Variants in TBC1D32 observed in about 807,000 individuals in gnomAD.
TBC1D32 encodes the protein TBC1 domain family member 32.
In TBC1D32, 151 loss-of-function variants were observed where a neutral mutation model predicts 170.3. The observed-to-expected ratio is 0.89, with a 90% CI of 0.78 to 1.01. TBC1D32 has a LOEUF of 1.01. Ranked by LOEUF, TBC1D32 falls within the 50% of genes least tolerant of loss-of-function variation. The pLI is 0.00. For missense variants in TBC1D32, 1,464 were observed against 1,457.1 expected (o/e 1.00, Z -0.08); for synonymous variants, 498 against 488.0 (o/e 1.02, Z -0.27).
chr6:121,282,000 T>G (rs1161696482), intron 13 of TBC1D32, among the ~76,000 whole-genome samples: 7 of 151,718 alleles, frequency 4.6e-5, no homozygotes, highest in Admixed American at 2.0e-4. Context: ...ATGTACAGCT[T>G]TTTTCCTCCT....
At chr6:121,108,496 C>A (rs1778906633) in intron 29 of TBC1D32, among the ~76,000 whole-genome samples, 1 of 151,826 alleles carries the variant, frequency 6.6e-6, no homozygotes, top group African/African-American at 2.4e-5. Flanking sequence ...AATTAATAGT[C>A]TAATATATAA....
chr6:121,256,262 G>T lies in TBC1D32; in HGVS notation c.1757C>A (p.Ala586Asp), dbSNP rs765342712. 1 of 1,613,026 alleles carries T rather than the reference G, an allele frequency of 6.2e-7. No homozygotes were observed. Among genetic ancestry groups the T allele is most frequent in the African/African-American group, 1.3e-5 (1 of 74,804 alleles). Residue 586 changes from alanine to aspartate, a missense_variant, in exon 16 of 32, where the codon GCC becomes GAC. This residue lies in a region of TBC1D32 where 1,363 missense variants were observed against 1,338.1 expected (regional missense o/e 1.02). Transcript: ENST00000398212. The stretch of plus-strand genomic sequence containing the variant: ...ATCGAGAAGTTTTTTCGAAAACTGG[G>T]CAATTATATGAGCACCTGTAGGACT... ...EESPTGAHII[A>D]QFSKKLLDED...
At chr6:121,260,581 T>A (rs1225386169) in intron 15 of TBC1D32, among the ~76,000 whole-genome samples, 1 of 152,122 alleles carries the variant, frequency 6.6e-6, no homozygotes, top group Non-Finnish European at 1.5e-5. Context: ...CTCAGCCAAG[T>A]GGGATGGTGA....
chr6:121,146,032 C>G (rs1454689167), intron 24 of TBC1D32, among the ~76,000 whole-genome samples: 4 of 152,052 alleles, frequency 2.6e-5, no homozygotes, highest in African/African-American at 9.7e-5. Context: ...CTGGGGTAGG[C>G]AAGATCAAAA....
At chr6:121,141,531 CA>C (rs1180143658) in intron 24 of TBC1D32, among the ~76,000 whole-genome samples, 2 of 151,956 alleles carry the variant, frequency 1.3e-5, no homozygotes, top group Admixed American at 6.5e-5. Flanking sequence ...ACCAAATGGC[CA>C]AAAAGCACAT....
At chr6:121,282,946 TA>T (rs969212468) in intron 13 of TBC1D32, among the ~76,000 whole-genome samples, 1 of 151,800 alleles carries the variant, frequency 6.6e-6, no homozygotes, top group African/African-American at 2.4e-5. Flanking sequence ...ATTGCTTGGA[TA>T]AAAACTATTA....
At chr6:121,118,180 GAGA>G (rs1487303059) in intron 26 of TBC1D32, among the ~76,000 whole-genome samples, 4 of 152,072 alleles carry the variant, frequency 2.6e-5, no homozygotes, top group Non-Finnish European at 5.9e-5. Flanking sequence ...AAGCAAGATG[GAGA>G]AGAAAACAGA....
At chr6:121,288,918 A>C (rs1263841020) in intron 12 of TBC1D32, among the ~76,000 whole-genome samples, 1 of 152,204 alleles carries the variant, frequency 6.6e-6, no homozygotes, top group African/African-American at 2.4e-5. Context: ...GATTATCTCA[A>C]TAGATGCAGA....
intron 15 of TBC1D32, among the ~76,000 whole-genome samples, chr6:121,277,886 A>AC (rs1802453052): frequency 6.6e-6 from 1 of 151,954 alleles, no homozygotes; most frequent in East Asian, 1.9e-4. Flanking sequence ...AAGAAAAAAA[A>AC]AAAGAGAAGA....
chr6:121,090,122 C>T (rs964543836), intron 31 of TBC1D32, among the ~76,000 whole-genome samples: 8 of 151,964 alleles, frequency 5.3e-5, no homozygotes, highest in Non-Finnish European at 1.2e-4. Flanking sequence ...TTGGTAGAGA[C>T]GGGGTTTCAC....
chr6:121,150,181 C>T (rs1323336373), intron 24 of TBC1D32, among the ~76,000 whole-genome samples: 5 of 152,078 alleles, frequency 3.3e-5, no homozygotes, highest in African/African-American at 4.8e-5. Flanking sequence ...TTTTGAGATA[C>T]GTTCCATCAA....
intron 31 of TBC1D32, among the ~76,000 whole-genome samples, chr6:121,083,441 A>G (rs1003475493): frequency 2.6e-5 from 4 of 152,116 alleles, no homozygotes; most frequent in South Asian, 2.1e-4. Flanking sequence ...CTGAGTTTCA[A>G]ATGTTGAATC....
intron 21 of TBC1D32, among the ~76,000 whole-genome samples, chr6:121,212,966 T>C (rs987192455): frequency 7.2e-5 from 11 of 152,132 alleles, no homozygotes; most frequent in African/African-American, 1.4e-4. Flanking sequence ...ATTATCTCAA[T>C]AGATGCAGAA....
chr6:121,195,070 C>CT (rs1325827556), intron 22 of TBC1D32, among the ~76,000 whole-genome samples: 53 of 152,320 alleles, frequency 3.5e-4, no homozygotes, highest in African/African-American at 1.2e-3. Context: ...GGCACAACAC[C>CT]TAGTGGGCCT....
chr6:121,228,416 T>A (rs1427888200), intron 20 of TBC1D32, among the ~76,000 whole-genome samples: 2 of 152,098 alleles, frequency 1.3e-5, no homozygotes, highest in Non-Finnish European at 2.9e-5. Flanking sequence ...TAAAAATATC[T>A]CTCTTAGCAC....
intron 20 of TBC1D32, among the ~76,000 whole-genome samples, chr6:121,227,746 C>A (rs1265415501): frequency 6.6e-6 from 1 of 152,018 alleles, no homozygotes; most frequent in Non-Finnish European, 1.5e-5. Flanking sequence ...TGTCCATATT[C>A]ATCAGGCTAT....
At chr6:121,334,192 T>C in intron 1 of TBC1D32, 84 bp downstream of exon 1, 1 of 1,147,750 alleles carries the variant, frequency 8.7e-7, no homozygotes, top group Non-Finnish European at 1.2e-6. Context: ...TTAAAAACAA[T>C]AAATAAATTA....
intron 19 of TBC1D32, among the ~76,000 whole-genome samples, chr6:121,240,024 C>T (rs1265811942): frequency 6.6e-6 from 1 of 152,034 alleles, no homozygotes; most frequent in Non-Finnish European, 1.5e-5. Flanking sequence ...AGCCTTAGTT[C>T]CCCCATTTGA....
intron 24 of TBC1D32, among the ~76,000 whole-genome samples, chr6:121,136,016 T>C (rs911006803): frequency 1.3e-5 from 2 of 152,068 alleles, no homozygotes; most frequent in African/African-American, 4.8e-5. Context: ...GCTAATAATG[T>C]CTAATGCCCC....
Sources: gnomAD v4.1 joint callset for allele counts (sites outside exome capture counted in the v4.1 genomes callset) on GRCh38, gnomAD v4.1.1 for gene constraint, gnomAD v4.1.1 regional missense constraint, MANE v1.5 for transcripts, NCBI Gene and HGNC (gene_info 2026-07-23, HGNC 2026-07-21) for gene names.